The following FCN2 variants were observed in gnomAD, a reference collection of about 807,000 sequenced individuals.
The protein encoded by FCN2 is ficolin-2.
A neutral mutation model predicts 32.5 loss-of-function variants in FCN2; 31 were observed. That is an observed-to-expected ratio of 0.96 (90% CI 0.72 to 1.29). The LOEUF (loss-of-function observed/expected upper bound fraction) is 1.29. FCN2 is among the 50% of genes most tolerant of loss of function. The pLI is 0.00. For missense variants in FCN2, 412 were observed against 406.5 expected (o/e 1.01, Z -0.12); for synonymous variants, 181 against 164.5 (o/e 1.10, Z -0.77).
At chr9:134,875,010 A>G in the FCN2 span, among the ~76,000 whole-genome samples, 1,340 of 152,370 alleles carry the variant, frequency 8.8e-3, 15 homozygotes, top group South Asian at 0.05. Context: ...GTGATTTGAA[A>G]AAAACAACGG....
the FCN2 span, among the ~76,000 whole-genome samples, chr9:134,870,257 G>A: frequency 6.6e-6 from 1 of 152,198 alleles, no homozygotes; most frequent in Non-Finnish European, 1.5e-5. The surrounding 1 kb of genome is among the most constrained non-coding windows in gnomAD (Gnocchi z 4.3). Flanking sequence ...CGAGGCAGCA[G>A]GTCTCGCAGC....
chr9:134,884,404 C>T (rs916662956), intron 3 of FCN2, among the ~76,000 whole-genome samples: 2 of 152,138 alleles, frequency 1.3e-5, no homozygotes, highest in African/African-American at 4.8e-5. Flanking sequence ...CTGTGTCCAC[C>T]AAGATGGGCT....
chr9:134,883,491 G>A, intron 3 of FCN2, 136 bp downstream of exon 3: 1 of 787,526 alleles, frequency 1.3e-6, no homozygotes, highest in Non-Finnish European at 2.2e-6. Context: ...GGCTCTTGGG[G>A]CTTAGTCCAG....
At chr9:134,881,494 G>T (rs983573626) in intron 1 of FCN2, among the ~76,000 whole-genome samples, 50 of 152,168 alleles carry the variant, frequency 3.3e-4, no homozygotes, top group Non-Finnish European at 7.3e-5. Context: ...GGACACTCGG[G>T]TGCCAAACCA....
rs144803479 is a variant in FCN2 at position 134,885,097 on chromosome 9, G to T, written c.302-142G>T. 9 of 1,237,260 alleles carry T rather than the reference G, an allele frequency of 7.3e-6. No individual in the cohort carries two copies. In the East Asian group the frequency reaches 2.0e-4, roughly 28 times the overall value. The allele number at this position is 1,237,260 out of a possible 1,614,324, so 76.6% of individuals were successfully genotyped here. ...TCACAGCTGCGTGGCCCTGGGGGCC[G>T]TGTCCCTGTCCAGGCCTCAGAGTCC... On this transcript the variant is annotated intron_variant, in intron 4 of 7. Transcript: ENST00000291744.
chr9:134,885,442 A>G, intron 5 of FCN2, 76 bp downstream of exon 5: 1 of 1,575,746 alleles, frequency 6.3e-7, no homozygotes, highest in African/African-American at 1.3e-5. Flanking sequence ...GGGAGAACAC[A>G]CTCTGGAATT....
Position 134,882,646 on chromosome 9 carries a change from G to A in FCN2, c.214+7G>A. ...GGCACCAATGGAAAGAGAGGTAGGT[G>A]CAGGCATGGCTGGGGGCACTGGCTC... On this transcript the variant is annotated splice_region_variant and intron_variant, in intron 2 of 7. Transcript: ENST00000291744. 8 of 1,585,258 alleles carry A rather than the reference G, an allele frequency of 5.0e-6. No individual in the cohort carries two copies. The highest frequency in any genetic ancestry group is 6.9e-6 in the Non-Finnish European group (8 of 1,153,964).
upstream of FCN2, among the ~76,000 whole-genome samples, chr9:134,877,847 A>C (rs1194967654): frequency 6.6e-6 from 1 of 152,162 alleles, no homozygotes; most frequent in African/African-American, 2.4e-5. Context: ...GTGATGGTTA[A>C]TACTGAGTGT....
upstream of FCN2, among the ~76,000 whole-genome samples, chr9:134,875,946 GA>G (rs1404216048): frequency 6.6e-6 from 1 of 152,188 alleles, no homozygotes; most frequent in African/African-American, 2.4e-5. Flanking sequence ...CACAATGATA[GA>G]AAAGGAATAC....
upstream of FCN2, among the ~76,000 whole-genome samples, chr9:134,879,295 T>C (rs1830632048): frequency 6.6e-6 from 1 of 152,230 alleles, no homozygotes; most frequent in African/African-American, 2.4e-5. Context: ...AAATAGCATA[T>C]TTTTTTAGAT....
the FCN2 span, among the ~76,000 whole-genome samples, chr9:134,875,474 A>G: frequency 6.6e-6 from 1 of 152,178 alleles, no homozygotes; most frequent in African/African-American, 2.4e-5. Flanking sequence ...GCTTCTAACC[A>G]AGAGTACAGC....
At chr9:134,879,568 T>C (rs926324171), upstream of FCN2, among the ~76,000 whole-genome samples, 4 of 152,132 alleles carry the variant, frequency 2.6e-5, no homozygotes, top group African/African-American at 9.7e-5. Flanking sequence ...TGCATCTCCA[T>C]GGAGCCTGTG....
chr9:134,882,033 C>T (rs930746204), intron 1 of FCN2, among the ~76,000 whole-genome samples: 3 of 152,176 alleles, frequency 2.0e-5, no homozygotes, highest in African/African-American at 4.8e-5. Flanking sequence ...CAAGATCAGG[C>T]GTGGGAGTTG....
At chr9:134,883,245 G>A in intron 2 of FCN2, 57 bp from the exon 3 acceptor site, 7 of 1,402,302 alleles carry the variant, frequency 5.0e-6, no homozygotes, top group Non-Finnish European at 7.1e-6. Flanking sequence ...TCCAGGGTGG[G>A]CCCTTTGATC....
the FCN2 span, among the ~76,000 whole-genome samples, chr9:134,874,669 A>G: frequency 2.0e-5 from 3 of 152,150 alleles, no homozygotes; most frequent in East Asian, 5.8e-4. Context: ...TGTTTTTTTT[A>G]AAAGATGTTT....
At chr9:134,864,679 G>C in the FCN2 span, among the ~76,000 whole-genome samples, 5 of 152,126 alleles carry the variant, frequency 3.3e-5, no homozygotes, top group African/African-American at 9.7e-5. Flanking sequence ...TCAGCCCCCC[G>C]GTGGGTAGAA....
chr9:134,872,316 G>C, the FCN2 span, among the ~76,000 whole-genome samples: 86 of 152,330 alleles, frequency 5.6e-4, no homozygotes, highest in African/African-American at 2.0e-3. Flanking sequence ...CCACAGCTAT[G>C]TATCCATTCA....
the FCN2 span, among the ~76,000 whole-genome samples, chr9:134,867,293 T>C: frequency 1.1e-4 from 16 of 150,666 alleles, no homozygotes; most frequent in Non-Finnish European, 1.5e-5. Context: ...ATATACACCA[T>C]GGAATACTAT....
chr9:134,886,804 A>G (rs1034845435), intron 7 of FCN2, among the ~76,000 whole-genome samples: 6 of 152,214 alleles, frequency 3.9e-5, no homozygotes, highest in African/African-American at 9.7e-5. Context: ...AAGTCTCTGC[A>G]GAGCAGGGAC....
Sources: gnomAD v4.1 joint callset for allele counts (sites outside exome capture counted in the v4.1 genomes callset) on GRCh38, gnomAD v4.1.1 for gene constraint, Gnocchi (gnomAD v3.1) non-coding constraint, MANE v1.5 for transcripts, NCBI Gene and HGNC (gene_info 2026-07-23, HGNC 2026-07-21) for gene names.